Variants in KTN1 observed in about 807,000 individuals in gnomAD.
KTN1 encodes the protein kinectin 1.
A neutral mutation model predicts 222.5 loss-of-function variants in KTN1; 130 were observed. The observed-to-expected ratio is 0.58, with a 90% CI of 0.51 to 0.68. KTN1 has a LOEUF of 0.68. Among genes scored for constraint, KTN1 ranks in the 30% least tolerant of loss-of-function variants. The pLI is 0.00. For missense variants in KTN1, 1,508 were observed against 1,500.4 expected (o/e 1.01, Z -0.08); for synonymous variants, 512 against 496.3 (o/e 1.03, Z -0.42).
intron 1 of KTN1, among the ~76,000 whole-genome samples, chr14:55,583,130 T>C (rs1406453997): frequency 6.6e-6 from 1 of 152,192 alleles, no homozygotes; most frequent in East Asian, 1.9e-4. Context: ...GGGAAGAACC[T>C]TATGTGCTGT....
intron 4 of KTN1, 72 bp from the exon 5 acceptor site, chr14:55,619,110 T>C: frequency 1.6e-6 from 2 of 1,245,250 alleles, no homozygotes; most frequent in East Asian, 2.3e-5. Context: ...TCTTCATGCT[T>C]ACCTTTGCTG....
At chr14:55,646,173 C>G (rs998332604) in intron 18 of KTN1, among the ~76,000 whole-genome samples, 3 of 152,122 alleles carry the variant, frequency 2.0e-5, no homozygotes, top group African/African-American at 7.2e-5. Context: ...ACTCATCTTA[C>G]ATGTCATGTT....
At position 55,639,894 on chromosome 14, in the gene KTN1, A is replaced by C. The variant is rs753199691; in HGVS notation, c.1824-19A>C. On this transcript the variant is annotated intron_variant, in intron 13 of 43. Coordinates refer to ENST00000395314, the MANE Select transcript of KTN1 (RefSeq NM_001079521.2). Reference sequence around the variant, plus strand: ...CTTCTGAATGTTTATTGAATGTACAAATGTCTTTCCTTCTAAAGGATTGCA... The same window carrying C: ...CTTCTGAATGTTTATTGAATGTACACATGTCTTTCCTTCTAAAGGATTGCA... 3 of 1,455,406 alleles carry C rather than the reference A, an allele frequency of 2.1e-6. No homozygotes were observed. The African/African-American group carries it at 4.2e-5, about 20-fold the overall frequency. 90.2% of individuals were successfully genotyped at this position (1,455,406 alleles called of 1,614,324 possible). A position where few individuals can be genotyped will look rare whatever the true frequency, so the allele number is the denominator to read the frequency against.
At chr14:55,650,997 C>A (rs1407243730) in intron 24 of KTN1, among the ~76,000 whole-genome samples, 1 of 152,026 alleles carries the variant, frequency 6.6e-6, no homozygotes, top group East Asian at 1.9e-4. Flanking sequence ...ATTGCTCTAT[C>A]TCTGCCTTAG....
Position 55,604,895 on chromosome 14 carries a change from T to C in KTN1, c.-30-7124T>C, listed in dbSNP as rs534880174. On this transcript the variant is annotated intron_variant, in intron 1 of 43. Coordinates refer to ENST00000395314, the MANE Select transcript of KTN1 (RefSeq NM_001079521.2). ...CTTTAAATGGAACTTTAGAAGGTGT[T>C]TCCTTTGGTTGCCTGATTTAGAATC... 5.9e-5 allele frequency among the ~76,000 whole-genome samples: 9 copies of C among 152,326 alleles called. 1 individual carries two copies. In the South Asian group the frequency reaches 6.2e-4, roughly 11 times the overall value.
intron 13 of KTN1, 64 bp downstream of exon 13, chr14:55,639,286 C>A: frequency 8.9e-7 from 1 of 1,128,310 alleles, no homozygotes; most frequent in Non-Finnish European, 1.3e-6. Flanking sequence ...TTGTTAGATG[C>A]GACACTTATG....
chr14:55,609,061 T>C (rs2037167625), intron 1 of KTN1, among the ~76,000 whole-genome samples: 2 of 151,232 alleles, frequency 1.3e-5, no homozygotes, highest in Admixed American at 1.3e-4. Context: ...ACAGGATACA[T>C]GTGGAGAACG....
At chr14:55,654,529 C>T (rs1358562521) in intron 28 of KTN1, among the ~76,000 whole-genome samples, 1 of 140,398 alleles carries the variant, frequency 7.1e-6, no homozygotes. Context: ...AGGTATATTT[C>T]TGCCTTACAT....
intron 1 of KTN1, among the ~76,000 whole-genome samples, chr14:55,582,117 T>C (rs1345273809): frequency 6.6e-6 from 1 of 152,132 alleles, no homozygotes; most frequent in East Asian, 1.9e-4. Context: ...TATAACAAGA[T>C]CTATTGAAAA....
chr14:55,592,097 G>C (rs574739534), intron 1 of KTN1, among the ~76,000 whole-genome samples: 1 of 152,190 alleles, frequency 6.6e-6, no homozygotes, highest in East Asian at 1.9e-4. Flanking sequence ...TCTATTAAAA[G>C]TTAAAAATTT....
At chr14:55,610,580 T>TA (rs1242817863) in intron 1 of KTN1, among the ~76,000 whole-genome samples, 1 of 152,232 alleles carries the variant, frequency 6.6e-6, no homozygotes, top group Non-Finnish European at 1.5e-5. Context: ...TTTAAAAACT[T>TA]AAAAAATTCT....
intron 41 of KTN1, among the ~76,000 whole-genome samples, chr14:55,677,076 A>C (rs2045941601): frequency 6.6e-6 from 1 of 152,254 alleles, no homozygotes; most frequent in Non-Finnish European, 1.5e-5. Flanking sequence ...TCTTATTTAC[A>C]GTAGCTAAGA....
rs1480576959 is a variant in KTN1, at chr14:55,637,765, G to T, written c.1717-14G>T. On this transcript the variant is annotated splice_polypyrimidine_tract_variant and intron_variant, in intron 11 of 43. Coordinates refer to ENST00000395314, the MANE Select transcript of KTN1 (RefSeq NM_001079521.2). ...TAGCATGCTTTTTCTCTTTTTGGTT[G>T]CTATTTATGAAAGGATATTTTGGAG... 1 of 1,596,532 alleles carries T rather than the reference G, an allele frequency of 6.3e-7. No individual in the cohort carries two copies. Among genetic ancestry groups the T allele is most frequent in the Non-Finnish European group, 8.6e-7 (1 of 1,168,140 alleles).
chr14:55,646,892 T>C (rs2042420104), intron 18 of KTN1, 81 bp from the exon 19 acceptor site: 1 of 894,288 alleles, frequency 1.1e-6, no homozygotes, highest in Non-Finnish European at 1.8e-6. Context: ...TAAACAATTT[T>C]CACAAAATTA....
chr14:55,597,832 C>A (rs116855655), intron 1 of KTN1, among the ~76,000 whole-genome samples: 1 of 150,548 alleles, frequency 6.6e-6, no homozygotes. Context: ...CCAGTCTAGG[C>A]GACAGTCAGA....
Position 55,641,705 on chromosome 14 carries a change from A to G in KTN1, c.2117A>G (p.Gln706Arg). ...KMEEFKILND[Q>R]NKALKSEVQK... is the part of the protein sequence containing the mutation. ...TCTTTCTTCCAGATTCTAAATGACC[A>G]AAACAAAGCATTAAAATCAGAAGTT... Residue 706 changes from glutamine to arginine, a missense_variant, in exon 18 of 44, where the codon CAA (glutamine) becomes CGA (arginine). Transcript: ENST00000395314. The G allele has an allele frequency of 1.3e-6, 2 of 1,599,180 alleles. No individual in the cohort carries two copies. The highest frequency in any genetic ancestry group is 1.7e-4 in the Middle Eastern group (1 of 6,018).
chr14:55,661,547 A>C lies in KTN1; in HGVS notation c.3025A>C (p.Ser1009Arg). 6.2e-7 allele frequency: 1 copy of C among 1,601,716 alleles called. No individual in the cohort carries two copies. The highest frequency in any genetic ancestry group is 8.6e-7 in the Non-Finnish European group (1 of 1,169,184). Reference sequence around the variant, plus strand: ...AATTTCAGAAAGAGAGAAAGAAATAAGTGGTCTCTGGAATGAGTTAGATTC... The same window carrying C: ...AATTTCAGAAAGAGAGAAAGAAATACGTGGTCTCTGGAATGAGTTAGATTC... ...KVISEREKEISGLWNELDSLK... is the reference protein window; with the variant it reads ...KVISEREKEIRGLWNELDSLK... The change falls in exon 32 of 44, where the codon AGT becomes CGT. Residue 1009 changes from serine to arginine, a missense_variant. By Grantham distance (110) the Ser-to-Arg change is moderately radical. Coordinates refer to ENST00000395314, the MANE Select transcript of KTN1 (RefSeq NM_001079521.2).
chr14:55,656,180 G>C, intron 29 of KTN1, 48 bp downstream of exon 29: 1 of 1,305,928 alleles, frequency 7.7e-7, no homozygotes, highest in Non-Finnish European at 1.1e-6. Context: ...TATTGTCTTT[G>C]CATGCTTTAA....
chr14:55,662,799 G>A (rs2044290965), intron 32 of KTN1: 1 of 438,016 alleles, frequency 2.3e-6, no homozygotes, highest in Non-Finnish European at 4.7e-6. Context: ...CTTCTGTGTT[G>A]GTATAACAGT....
Sources: gnomAD v4.1 joint callset for allele counts (sites outside exome capture counted in the v4.1 genomes callset) on GRCh38, gnomAD v4.1.1 for gene constraint, MANE v1.5 for transcripts, NCBI Gene and HGNC (gene_info 2026-07-23, HGNC 2026-07-21) for gene names.